TBC1D12: variants seen among roughly 807,000 people sequenced by gnomAD.
TBC1D12 encodes the protein TBC1 domain family member 12.
In TBC1D12, 56 loss-of-function variants were observed where a neutral mutation model predicts 86.7. That is an observed-to-expected ratio of 0.65 (90% CI 0.52 to 0.81). The LOEUF is 0.81. Ranked by LOEUF, TBC1D12 falls within the 30% of genes least tolerant of loss-of-function variation. The probability of loss-of-function intolerance (pLI) is 0.00; values close to 1 mark genes in which losing one functional copy is unlikely to be tolerated. For missense variants in TBC1D12, 1,023 were observed against 1,038.8 expected (o/e 0.98, Z 0.21); for synonymous variants, 421 against 411.7 (o/e 1.02, Z -0.27).
At chr10:94,506,874 A>G (rs2056466738) in intron 6 of TBC1D12, among the ~76,000 whole-genome samples, 2 of 152,212 alleles carry the variant, frequency 1.3e-5, no homozygotes, top group African/African-American at 4.8e-5. Context: ...TCTGGTTTAC[A>G]GGTAAAGAAA....
At chr10:94,481,026 G>A (rs1441656270) in intron 3 of TBC1D12, among the ~76,000 whole-genome samples, 1 of 150,588 alleles carries the variant, frequency 6.6e-6, no homozygotes, top group East Asian at 1.9e-4. Flanking sequence ...TTAATAAGCA[G>A]TGTTGCTTTG....
intron 1 of TBC1D12, among the ~76,000 whole-genome samples, chr10:94,436,423 T>TGTG (rs2055298037): frequency 6.6e-6 from 1 of 152,094 alleles, no homozygotes; most frequent in Admixed American, 6.5e-5. Context: ...TGTGAACCAC[T>TGTG]GTGCCCGCCC....
chr10:94,479,594 T>C (rs967225086), intron 3 of TBC1D12, among the ~76,000 whole-genome samples: 11 of 152,120 alleles, frequency 7.2e-5, no homozygotes, highest in Non-Finnish European at 1.3e-4. Flanking sequence ...TGCTATGACA[T>C]AGGTAGAAAG....
At chr10:94,529,547 G>A (rs1209685870) in intron 11 of TBC1D12, among the ~76,000 whole-genome samples, 1 of 152,180 alleles carries the variant, frequency 6.6e-6, no homozygotes, top group Non-Finnish European at 1.5e-5. Context: ...GAACCCCGGA[G>A]GTGGAGGTTG....
At chr10:94,408,446 C>A (rs1463010782) in intron 1 of TBC1D12, among the ~76,000 whole-genome samples, 3 of 152,070 alleles carry the variant, frequency 2.0e-5, no homozygotes, top group Admixed American at 2.0e-4. Flanking sequence ...TTAGTGATTT[C>A]TTTTTACATC....
At chr10:94,477,026 T>G (rs1170953401) in intron 3 of TBC1D12, among the ~76,000 whole-genome samples, 1 of 152,196 alleles carries the variant, frequency 6.6e-6, no homozygotes, top group East Asian at 1.9e-4. Flanking sequence ...TGAAATAACA[T>G]GGTAGGTACA....
Position 94,536,151 on chromosome 10 carries a change from T to G in TBC1D12, c.*3055T>G, listed in dbSNP as rs1237394932. Among the ~76,000 whole-genome samples the G allele has an allele frequency of 6.6e-6, 1 of 152,140 alleles. No individual in the cohort carries two copies. On this transcript the variant is annotated 3_prime_UTR_variant, in exon 13 of 13. Transcript: ENST00000225235. ...AGGAAATATGTGATAATTCACATGG[T>G]CAGTATATGGCAGTTTTTGTTGTTG...
chr10:94,475,932 T>G (rs1238905240), intron 3 of TBC1D12, among the ~76,000 whole-genome samples: 2 of 152,060 alleles, frequency 1.3e-5, no homozygotes, highest in Non-Finnish European at 2.9e-5. Flanking sequence ...GTCCCTCTCT[T>G]TCTTTTTAAT....
Position 94,402,679 on chromosome 10 carries a change from G to T in TBC1D12, c.66G>T (p.Ala22=), listed in dbSNP as rs773221380. Residue 22 remains alanine, a synonymous_variant, in exon 1 of 13, where the codon GCG becomes GCT. Transcript: ENST00000225235. Reference sequence around the variant, plus strand: ...ACCCCAAGTTGCTCCCGGTGCCTGCGCCGGACCCCGTGGGCCAGGACAGGA... The same window carrying T: ...ACCCCAAGTTGCTCCCGGTGCCTGCTCCGGACCCCGTGGGCCAGGACAGGA... ...GRNPKLLPVP[A]PDPVGQDRKV... 1 of 1,606,752 alleles carries T rather than the reference G, an allele frequency of 6.2e-7. No individual in the cohort carries two copies. The highest frequency in any genetic ancestry group is 1.7e-5 in the Admixed American group (1 of 59,414).
chr10:94,453,393 CTGTG>C (rs947026748), intron 2 of TBC1D12, among the ~76,000 whole-genome samples: 13 of 151,924 alleles, frequency 8.6e-5, no homozygotes, highest in African/African-American at 3.1e-4. Flanking sequence ...GCATGTATGT[CTGTG>C]TGTGTGCATA....
chr10:94,443,682 A>G (rs2055412061), intron 2 of TBC1D12, among the ~76,000 whole-genome samples: 1 of 152,212 alleles, frequency 6.6e-6, no homozygotes, highest in Non-Finnish European at 1.5e-5. Context: ...ATTAAGTGCT[A>G]CTACATACTT....
Position 94,402,568 on chromosome 10 carries a change from C to T in TBC1D12, c.-46C>T, listed in dbSNP as rs1222633783. ...AGCTGTTCTCTGGCCAAGCCTGCGC[C>T]TGTAGTCCTTCTTTGCCTCCTGGGG... is the stretch of plus-strand genomic sequence containing the variant. On this transcript the variant is annotated 5_prime_UTR_variant, in exon 1 of 13. Transcript: ENST00000225235. The T allele has an allele frequency of 1.1e-5, 17 of 1,604,296 alleles. No homozygotes were observed. The highest frequency in any genetic ancestry group is 3.3e-5 in the South Asian group (3 of 90,206).
intron 1 of TBC1D12, among the ~76,000 whole-genome samples, chr10:94,441,624 G>A (rs1238649240): frequency 2.0e-5 from 3 of 152,166 alleles, no homozygotes; most frequent in Non-Finnish European, 4.4e-5. Flanking sequence ...TGCAGAATGT[G>A]CAGGTTTGTT....
chr10:94,453,705 C>G (rs1004003115), intron 2 of TBC1D12, among the ~76,000 whole-genome samples: 2 of 152,088 alleles, frequency 1.3e-5, no homozygotes, highest in Admixed American at 1.3e-4. Context: ...TCAAGGCCAT[C>G]TAAATTTTCT....
intron 1 of TBC1D12, among the ~76,000 whole-genome samples, chr10:94,416,511 A>T (rs2054999651): frequency 6.6e-6 from 1 of 152,204 alleles, no homozygotes; most frequent in Admixed American, 6.5e-5. Context: ...GACATTTAAG[A>T]TTGCTACAGA....
intron 6 of TBC1D12, among the ~76,000 whole-genome samples, chr10:94,506,635 G>A (rs1171163948): frequency 6.6e-6 from 1 of 152,140 alleles, no homozygotes; most frequent in Non-Finnish European, 1.5e-5. Context: ...GGAGTGCCGT[G>A]ACTAGGCACT....
chr10:94,497,926 C>G (rs1291728147), intron 5 of TBC1D12, among the ~76,000 whole-genome samples: 1 of 151,282 alleles, frequency 6.6e-6, no homozygotes, highest in Non-Finnish European at 1.5e-5. Flanking sequence ...GGGTTCATGC[C>G]ATTCTCCCAC....
intron 1 of TBC1D12, among the ~76,000 whole-genome samples, chr10:94,404,911 G>A (rs867794199): frequency 6.6e-6 from 1 of 152,060 alleles, no homozygotes; most frequent in African/African-American, 2.4e-5. Context: ...AGCCGGGCAT[G>A]TTGGCAGGCG....
At chr10:94,456,629 G>A (rs2055630816) in intron 2 of TBC1D12, among the ~76,000 whole-genome samples, 1 of 152,220 alleles carries the variant, frequency 6.6e-6, no homozygotes, top group Non-Finnish European at 1.5e-5. Context: ...AGCTTGAGAA[G>A]AATGTTTCCT....
Sources: gnomAD v4.1 joint callset for allele counts (sites outside exome capture counted in the v4.1 genomes callset) on GRCh38, gnomAD v4.1.1 for gene constraint, MANE v1.5 for transcripts, NCBI Gene and HGNC (gene_info 2026-07-23, HGNC 2026-07-21) for gene names.